Variants in USP6NL observed in about 807,000 individuals in gnomAD.
The protein encoded by USP6NL is USP6 N-terminal-like protein.
USP6NL carries 26 observed loss-of-function variants against 61.9 expected under a neutral mutation model. The observed-to-expected ratio is 0.42, with a 90% CI of 0.31 to 0.58. The LOEUF (loss-of-function observed/expected upper bound fraction) is 0.58, where lower values mean the gene tolerates loss of function less well. Ranked by LOEUF, USP6NL falls within the 20% of genes least tolerant of loss-of-function variation. The pLI is 0.16. For missense variants in USP6NL, 1,114 were observed against 1,034.3 expected (o/e 1.08, Z -1.06); for synonymous variants, 432 against 390.1 (o/e 1.11, Z -1.27).
At chr10:11,507,033 T>C (rs1834478397) in intron 6 of USP6NL, among the ~76,000 whole-genome samples, 1 of 152,218 alleles carries the variant, frequency 6.6e-6, no homozygotes, top group African/African-American at 2.4e-5. Flanking sequence ...ATTATAGTTA[T>C]CGGAGAGTGC....
In USP6NL at chr10:11,573,582, G is replaced by C. The variant is rs1427236526; in HGVS notation, c.4+24049C>G. The C allele has an allele frequency of 1.3e-5, 5 of 398,662 alleles. No individual in the cohort carries two copies. In the East Asian group the frequency reaches 1.8e-4, roughly 14 times the overall value. The allele number at this position is 398,662 out of a possible 1,614,324, so 24.7% of individuals were successfully genotyped here. On this transcript the variant is annotated intron_variant, in intron 2 of 14. Coordinates refer to ENST00000609104, the MANE Select transcript of USP6NL (RefSeq NM_014688.5). The stretch of plus-strand genomic sequence containing the variant: ...AAATCTGAGTGCCCTGAAAGTGCTT[G>C]ATTGTTCATTCTGCTAATCCTACCT...
chr10:11,483,906 T>C (rs1833350277), intron 13 of USP6NL, among the ~76,000 whole-genome samples: 1 of 152,134 alleles, frequency 6.6e-6, no homozygotes, highest in Admixed American at 6.5e-5. Context: ...AAAGTGCTTT[T>C]AAAGGGCATT....
At chr10:11,578,879 A>G (rs1837645747) in intron 2 of USP6NL, among the ~76,000 whole-genome samples, 1 of 152,222 alleles carries the variant, frequency 6.6e-6, no homozygotes, top group African/African-American at 2.4e-5. Flanking sequence ...ACATGCAGTG[A>G]TGTGCCACAT....
chr10:11,483,605 GA>G (rs1566124318), intron 13 of USP6NL, among the ~76,000 whole-genome samples: 2 of 17,488 alleles, frequency 1.1e-4, no homozygotes. Context: ...GGGGAGGGGG[GA>G]GGGGGAGAGG....
In USP6NL at chr10:11,490,066, C is replaced by T. The variant is rs1833643806; in HGVS notation, c.543+766G>A. Among the ~76,000 whole-genome samples, 2 of 152,218 alleles carry T rather than the reference C, an allele frequency of 1.3e-5. No homozygotes were observed. Among genetic ancestry groups the T allele is most frequent in the African/African-American group, 4.8e-5 (2 of 41,450 alleles). On this transcript the variant is annotated intron_variant, in intron 9 of 14. Transcript: ENST00000609104. The surrounding 1 kb of genome is among the most constrained non-coding windows in gnomAD (Gnocchi z 4.5). ...TTCCTTCTCACCAGACGCTTCCCAC[C>T]TTCCAGCTCCAATTCCGGTGAGGCC...
chr10:11,571,703 C>CT (rs992816524), intron 2 of USP6NL, among the ~76,000 whole-genome samples: 9 of 148,098 alleles, frequency 6.1e-5, no homozygotes, highest in South Asian at 2.1e-4. Context: ...GTCCATATGA[C>CT]TTTTTTTTTC....
Position 11,489,660 on chromosome 10 carries a change from G to A in USP6NL, c.544-438C>T. Among the ~76,000 whole-genome samples the A allele has an allele frequency of 6.6e-6, 1 of 152,158 alleles. No individual in the cohort carries two copies. Among genetic ancestry groups the A allele is most frequent in the East Asian group, 1.9e-4 (1 of 5,196 alleles). ...CTTGGGATGCCCATGCACAGTCTATGCCTCCTCTCTAAGAAATACCCACTC... is the reference window on the plus strand; with the variant it reads ...CTTGGGATGCCCATGCACAGTCTATACCTCCTCTCTAAGAAATACCCACTC... On this transcript the variant is annotated intron_variant, in intron 9 of 14. Coordinates refer to ENST00000609104, the MANE Select transcript of USP6NL (RefSeq NM_014688.5). The surrounding 1 kb of genome is among the most constrained non-coding windows in gnomAD (Gnocchi z 5.7).
rs947604727 is a variant in USP6NL at position 11,495,361 on chromosome 10, A to G, written c.385-2133T>C. ...CATCTGGTATAACTATTCTTGTTTT[A>G]TATTTTATTATACTGGAACAGCTCG... is the stretch of plus-strand genomic sequence containing the variant. On this transcript the variant is annotated intron_variant, in intron 7 of 14. Transcript: ENST00000609104. This position sits in a 1 kb window ranked among gnomAD's most constrained non-coding sequence, Gnocchi z 4.6. 2.0e-5 allele frequency among the ~76,000 whole-genome samples: 3 copies of G among 152,118 alleles called. No individual in the cohort carries two copies. The highest frequency in any genetic ancestry group is 2.0e-4 in the Admixed American group (3 of 15,280).
chr10:11,583,725 G>A (rs1837868430), intron 2 of USP6NL, among the ~76,000 whole-genome samples: 1 of 151,994 alleles, frequency 6.6e-6, no homozygotes, highest in Non-Finnish European at 1.5e-5. Context: ...AACATTATTA[G>A]TTTTTAAAAA....
intron 2 of USP6NL, chr10:11,564,810 G>C (rs1837069610): frequency 6.6e-6 from 1 of 152,134 alleles, no homozygotes; most frequent in African/African-American, 2.4e-5. Context: ...CAATTACATT[G>C]CAGGACCACA....
intron 13 of USP6NL, 146 bp downstream of exon 13, chr10:11,484,825 T>G: frequency 3.4e-6 from 2 of 580,520 alleles, no homozygotes. Context: ...ACATTACCAA[T>G]TGATGATAAT....
chr10:11,512,862 C>T (rs1465811567), intron 5 of USP6NL, among the ~76,000 whole-genome samples: 1 of 152,136 alleles, frequency 6.6e-6, no homozygotes, highest in Non-Finnish European at 1.5e-5. Context: ...GATTCAAGAC[C>T]CAGATGACCT....
chr10:11,551,096 T>C (rs1165900632), intron 2 of USP6NL, among the ~76,000 whole-genome samples: 3 of 152,166 alleles, frequency 2.0e-5, no homozygotes, highest in Non-Finnish European at 2.9e-5. Context: ...AGATATAAAA[T>C]TGTATCATAC....
rs1835149810 is a variant in USP6NL, at chr10:11,520,214, A to C, written c.156-1640T>G. ...TGAAGAAAAGGGACGGAGGCTGAGA[A>C]AACGATTCTCAAGAAGAAACGAAAC... On this transcript the variant is annotated intron_variant, in intron 4 of 14. Transcript: ENST00000609104. This position sits in a 1 kb window ranked among gnomAD's most constrained non-coding sequence, Gnocchi z 5.2. Among the ~76,000 whole-genome samples the C allele has an allele frequency of 1.3e-5, 2 of 152,240 alleles. No homozygotes were observed. The highest frequency in any genetic ancestry group is 2.1e-4 in the South Asian group (1 of 4,832).
chr10:11,558,811 A>G (rs916593874), intron 2 of USP6NL, among the ~76,000 whole-genome samples: 9 of 152,206 alleles, frequency 5.9e-5, no homozygotes, highest in Non-Finnish European at 1.0e-4. Flanking sequence ...GAGCAAATAC[A>G]GGGACTTTTT....
rs1040167796 is a variant in USP6NL, at chr10:11,520,581, T to C, written c.156-2007A>G. On this transcript the variant is annotated intron_variant, in intron 4 of 14. Coordinates refer to ENST00000609104, the MANE Select transcript of USP6NL (RefSeq NM_014688.5). The surrounding 1 kb of genome is among the most constrained non-coding windows in gnomAD (Gnocchi z 5.2). The stretch of plus-strand genomic sequence containing the variant: ...ATGAACACATGCCTGCAGGCATGGA[T>C]GCATCCTTACCTTGCCTCCTAAATA... 6.6e-6 allele frequency among the ~76,000 whole-genome samples: 1 copy of C among 152,234 alleles called. No homozygotes were observed. The highest frequency in any genetic ancestry group is 1.9e-4 in the East Asian group (1 of 5,194).
At chr10:11,601,272 C>T (rs964118192) in intron 1 of USP6NL, among the ~76,000 whole-genome samples, 5 of 151,974 alleles carry the variant, frequency 3.3e-5, no homozygotes, top group Admixed American at 6.6e-5. Flanking sequence ...CGTAAAGATA[C>T]CACTTATATA....
At position 11,514,000 on chromosome 10, in the gene USP6NL, C is replaced by CCAGCA. The variant is rs1233708410; in HGVS notation, c.196-4330_196-4326dup. ...TTATCACCCCATTATGTTGTCTTTCCCAGCACATCACATCAGATGCACACG... is the reference window on the plus strand; with the variant it reads ...TTATCACCCCATTATGTTGTCTTTCCCAGCACAGCACATCACATCAGATGCACACG... On this transcript the variant is annotated intron_variant, in intron 5 of 14. Transcript: ENST00000609104. The surrounding 1 kb of genome is among the most constrained non-coding windows in gnomAD (Gnocchi z 4.7). 6.6e-6 allele frequency among the ~76,000 whole-genome samples: 1 copy of CCAGCA among 152,188 alleles called. No homozygotes were observed. Among genetic ancestry groups the CCAGCA allele is most frequent in the Non-Finnish European group, 1.5e-5 (1 of 68,030 alleles).
At chr10:11,475,391 G>C (rs149557281) in intron 14 of USP6NL, among the ~76,000 whole-genome samples, 1 of 151,410 alleles carries the variant, frequency 6.6e-6, no homozygotes, top group Non-Finnish European at 1.5e-5. Flanking sequence ...TCAGGAGTTC[G>C]AGACCAGTCT....
Sources: gnomAD v4.1 joint callset for allele counts (sites outside exome capture counted in the v4.1 genomes callset) on GRCh38, gnomAD v4.1.1 for gene constraint, Gnocchi (gnomAD v3.1) non-coding constraint, MANE v1.5 for transcripts, NCBI Gene and HGNC (gene_info 2026-07-23, HGNC 2026-07-21) for gene names.